Variants in OTUD7A observed in about 807,000 individuals in gnomAD.
OTUD7A encodes the protein OTU deubiquitinase 7A.
Under a neutral mutation model 65.7 loss-of-function variants are expected in OTUD7A, and 12 were observed. That is an observed-to-expected ratio of 0.18 (90% CI 0.12 to 0.30). The LOEUF (loss-of-function observed/expected upper bound fraction) is 0.30. OTUD7A is among the 10% of genes least tolerant of loss of function. The probability of loss-of-function intolerance (pLI) is 1.00; values close to 1 mark genes in which losing one functional copy is unlikely to be tolerated. For missense variants in OTUD7A, 1,148 were observed against 1,304.8 expected, an observed-to-expected ratio of 0.88 and a Z score of 1.85; for synonymous variants, 641 against 586.3, an observed-to-expected ratio of 1.09 and a Z score of -1.35.
intron 1 of OTUD7A, among the ~76,000 whole-genome samples, chr15:31,865,678 C>T (rs1283607797): frequency 6.6e-6 from 1 of 152,208 alleles, no homozygotes; most frequent in Non-Finnish European, 1.5e-5. Flanking sequence ...AGACAGACGT[C>T]TGCTCTCACT....
intron 1 of OTUD7A, among the ~76,000 whole-genome samples, chr15:31,755,901 CAGG>C (rs919076158): frequency 6.3e-3 from 1 of 160 alleles, no homozygotes; most frequent in Admixed American, 0.056. Flanking sequence ...GCAAGGCAAA[CAGG>C]GGGTGTGCAG....
chr15:31,754,358 T>C (rs1283956241), intron 1 of OTUD7A, among the ~76,000 whole-genome samples: 3 of 152,202 alleles, frequency 2.0e-5, no homozygotes, highest in Non-Finnish European at 2.9e-5. Context: ...AGCTCTTTGG[T>C]TTAATTAAGT....
At chr15:31,643,530 A>AC (rs1450589071) in intron 3 of OTUD7A, among the ~76,000 whole-genome samples, 3 of 152,212 alleles carry the variant, frequency 2.0e-5, no homozygotes, top group Admixed American at 2.0e-4. Context: ...GTCAGTATGT[A>AC]CCTTATTCTA....
In OTUD7A at chr15:31,836,282, C is replaced by T. The variant is rs373244232; in HGVS notation, c.-100+34225G>A. 3.9e-5 allele frequency among the ~76,000 whole-genome samples: 6 copies of T among 152,296 alleles called. No homozygotes were observed. In the East Asian group the frequency reaches 1.2e-3, roughly 29 times the overall value. ...GAATTGTGGTGCAGAAGTAGTCTTT[C>T]ACAATTATCCCCAGGGCAGGCCATT... On this transcript the variant is annotated intron_variant, in intron 1 of 12. Coordinates refer to ENST00000307050, the MANE Select transcript of OTUD7A (RefSeq NM_001382637.1).
chr15:31,610,605 A>ATTTTTTTTTT (rs1472216504), intron 3 of OTUD7A, among the ~76,000 whole-genome samples: 5 of 38,660 alleles, frequency 1.3e-4, no homozygotes, highest in Admixed American at 3.5e-4. Flanking sequence ...ATATATATAT[A>ATTTTTTTTTT]TATATATATA....
chr15:31,770,168 C>T (rs2140912490), intron 1 of OTUD7A, among the ~76,000 whole-genome samples: 1 of 151,944 alleles, frequency 6.6e-6, no homozygotes, highest in African/African-American at 2.4e-5. Context: ...ACTGACAAAC[C>T]CTTAGTCAGA....
At chr15:31,869,385 C>T (rs1897963526) in intron 1 of OTUD7A, among the ~76,000 whole-genome samples, 1 of 152,200 alleles carries the variant, frequency 6.6e-6, no homozygotes, top group Admixed American at 6.5e-5. Context: ...TGAAGGACAC[C>T]TGCAGATTTT....
At chr15:31,577,564 T>C (rs983818001) in intron 3 of OTUD7A, among the ~76,000 whole-genome samples, 2 of 152,182 alleles carry the variant, frequency 1.3e-5, no homozygotes, top group Non-Finnish European at 2.9e-5. Context: ...TTGTAACTTC[T>C]GTCTCCCTAA....
chr15:31,496,285 G>C (rs1457056218), intron 10 of OTUD7A, among the ~76,000 whole-genome samples: 1 of 151,026 alleles, frequency 6.6e-6, no homozygotes, highest in South Asian at 2.1e-4. Context: ...GCAGTGGCAC[G>C]ATCTTGGCTC....
At chr15:31,776,437 C>T (rs1895382296) in intron 1 of OTUD7A, among the ~76,000 whole-genome samples, 1 of 152,152 alleles carries the variant, frequency 6.6e-6, no homozygotes, top group South Asian at 2.1e-4. Flanking sequence ...GGGCAGCCTG[C>T]AGCCTGTGGT....
intron 1 of OTUD7A, among the ~76,000 whole-genome samples, chr15:31,757,817 T>C (rs1205772558): frequency 6.6e-6 from 1 of 152,208 alleles, no homozygotes; most frequent in African/African-American, 2.4e-5. Context: ...CTTTGAGCAT[T>C]GTCAGTGCCT....
intron 1 of OTUD7A, among the ~76,000 whole-genome samples, chr15:31,698,087 A>G (rs1330640154): frequency 1.3e-5 from 2 of 152,136 alleles, no homozygotes; most frequent in Non-Finnish European, 2.9e-5. Context: ...CTCCCCTCCA[A>G]GGATATTTTC....
chr15:31,523,577 A>G (rs1400606442), intron 8 of OTUD7A, among the ~76,000 whole-genome samples: 1 of 152,082 alleles, frequency 6.6e-6, no homozygotes, highest in Non-Finnish European at 1.5e-5. Flanking sequence ...TCCTCCCTGA[A>G]TCCATGCCTG....
chr15:31,611,406 C>A (rs8029454), intron 3 of OTUD7A, among the ~76,000 whole-genome samples: 43,638 of 151,922 alleles, frequency 0.29, 7,388 homozygotes, highest in African/African-American at 0.47. Context: ...AATTGACAGA[C>A]CATTAGTAAG....
At chr15:31,529,057 G>A (rs904602711) in intron 6 of OTUD7A, among the ~76,000 whole-genome samples, 1 of 152,214 alleles carries the variant, frequency 6.6e-6, no homozygotes. Context: ...GGCCCACTGT[G>A]CTCACAGGGA....
intron 8 of OTUD7A, among the ~76,000 whole-genome samples, chr15:31,509,399 C>A (rs2041640728): frequency 6.6e-6 from 1 of 152,108 alleles, no homozygotes; most frequent in Non-Finnish European, 1.5e-5. Flanking sequence ...TTGCCTCAGC[C>A]TCCCGAGTAG....
At chr15:31,847,329 A>C (rs1335621244) in intron 1 of OTUD7A, among the ~76,000 whole-genome samples, 1 of 152,182 alleles carries the variant, frequency 6.6e-6, no homozygotes. Flanking sequence ...TGAGTACATG[A>C]TAGAAATGAA....
rs557099194 is a variant in OTUD7A at position 31,515,595 on chromosome 15, CATCT to C, written c.893+10750_893+10753del. ...CTATCTATCTATCCATCCATTCATC[CATCT>C]ATCCATCTACCCACCCACCCACCCA... On this transcript the variant is annotated intron_variant, in intron 8 of 12. Coordinates refer to ENST00000307050, the MANE Select transcript of OTUD7A (RefSeq NM_001382637.1). Among the ~76,000 whole-genome samples the C allele has an allele frequency of 2.6e-3, 397 of 151,394 alleles. 4 individuals carry two copies. Among genetic ancestry groups the C allele is most frequent in the African/African-American group, 9.2e-3 (378 of 41,148 alleles).
At chr15:31,669,927 G>T (rs1207814857) in intron 1 of OTUD7A, among the ~76,000 whole-genome samples, 1 of 148,044 alleles carries the variant, frequency 6.8e-6, no homozygotes, top group East Asian at 2.0e-4. Context: ...TTTCTCCATT[G>T]GGGGTGTGTG....
Sources: allele counts gnomAD v4.1 joint callset (sites outside exome capture counted in the v4.1 genomes callset), GRCh38; gene constraint gnomAD v4.1.1; transcripts MANE v1.5; gene names NCBI Gene and HGNC (gene_info 2026-07-23, HGNC 2026-07-21).